Variants in IGSF23 observed in about 807,000 individuals in gnomAD.
The protein encoded by IGSF23 is immunoglobulin superfamily member 23, also known as immunoglobulin superfamily, member 23.
IGSF23 carries 14 observed loss-of-function variants against 17.8 expected under a neutral mutation model. The observed-to-expected ratio is 0.79, with a 90% CI of 0.52 to 1.23. The LOEUF (loss-of-function observed/expected upper bound fraction) is 1.23, where lower values mean the gene tolerates loss of function less well. Among genes scored for constraint, IGSF23 ranks in the 50% most tolerant of loss-of-function variants. The pLI is 0.00. For missense variants in IGSF23, 214 were observed against 241.7 expected (o/e 0.89, Z 0.76); for synonymous variants, 85 against 92.5 (o/e 0.92, Z 0.46).
intron 3 of IGSF23, 47 bp from the exon 4 acceptor site, chr19:44,635,354 C>G: frequency 8.9e-7 from 1 of 1,126,226 alleles, no homozygotes; most frequent in Non-Finnish European, 1.2e-6. Context: ...CTTATTCTCT[C>G]TCTCTCTCTC....
intron 1 of IGSF23, among the ~76,000 whole-genome samples, chr19:44,620,173 G>T (rs1215082056): frequency 6.6e-6 from 1 of 152,034 alleles, no homozygotes; most frequent in Non-Finnish European, 1.5e-5. Context: ...GGAGACTGAG[G>T]AAGTAGAATC....
chr19:44,615,155 G>A (rs1248218134), intron 1 of IGSF23, among the ~76,000 whole-genome samples: 4 of 152,000 alleles, frequency 2.6e-5, no homozygotes, highest in Non-Finnish European at 4.4e-5. Context: ...CAGGCCTGGT[G>A]GCGGGCGCCT....
intron 2 of IGSF23, among the ~76,000 whole-genome samples, chr19:44,625,914 T>G (rs1367541490): frequency 6.6e-6 from 1 of 152,322 alleles, no homozygotes; most frequent in East Asian, 1.9e-4. Context: ...TTCTCTTGCC[T>G]GCCGCCATGT....
At chr19:44,625,497 G>A (rs570636083) in intron 2 of IGSF23, among the ~76,000 whole-genome samples, 1 of 152,148 alleles carries the variant, frequency 6.6e-6, no homozygotes, top group East Asian at 1.9e-4. Flanking sequence ...TTCCTGGCTG[G>A]GTAACTTAGC....
intron 1 of IGSF23, chr19:44,614,026 G>A: frequency 6.9e-7 from 1 of 1,458,386 alleles, no homozygotes; most frequent in Non-Finnish European, 9.2e-7. Context: ...CACGGGCCAG[G>A]GACAAGGAGG....
chr19:44,627,288 G>A, intron 2 of IGSF23, 132 bp from the exon 3 acceptor site: 1 of 903,012 alleles, frequency 1.1e-6, no homozygotes, highest in Non-Finnish European at 1.6e-6. Context: ...GAGGAGAGGG[G>A]GCCAGAGACC....
At chr19:44,626,978 G>A (rs1336134250) in intron 2 of IGSF23, among the ~76,000 whole-genome samples, 1 of 151,918 alleles carries the variant, frequency 6.6e-6, no homozygotes, top group Non-Finnish European at 1.5e-5. Context: ...ATTCCAGAGA[G>A]ACAGTGCAGC....
chr19:44,634,943 C>G (rs1159865967), intron 3 of IGSF23, among the ~76,000 whole-genome samples: 4 of 152,076 alleles, frequency 2.6e-5, no homozygotes, highest in Non-Finnish European at 5.9e-5. Context: ...CAATAAACCT[C>G]AGCCATGTGA....
chr19:44,618,734 C>T (rs537975614), intron 1 of IGSF23, among the ~76,000 whole-genome samples: 258 of 152,220 alleles, frequency 1.7e-3, no homozygotes, highest in African/African-American at 6.0e-3. Context: ...GTTCACTCAG[C>T]AATGGAAGAG....
intron 1 of IGSF23, among the ~76,000 whole-genome samples, chr19:44,619,891 ATGTT>A (rs1164100814): frequency 6.6e-6 from 1 of 152,104 alleles, no homozygotes; most frequent in African/African-American, 2.4e-5. Context: ...TTCAACATAT[ATGTT>A]TGGTGGGGGA....
chr19:44,635,350 C>A, intron 3 of IGSF23, 51 bp from the exon 4 acceptor site: 1 of 125,454 alleles, frequency 8.0e-6, no homozygotes, highest in Non-Finnish European at 1.3e-5. Flanking sequence ...GATTCTTATT[C>A]TCTCTCTCTC....
At chr19:44,623,684 T>G in intron 1 of IGSF23, 23 bp from the exon 2 acceptor site, 1 of 1,550,214 alleles carries the variant, frequency 6.5e-7, no homozygotes. Flanking sequence ...TCTTGTGGCC[T>G]TGTTCCCTGT....
At chr19:44,616,448 A>G (rs1972377546) in intron 1 of IGSF23, among the ~76,000 whole-genome samples, 1 of 152,194 alleles carries the variant, frequency 6.6e-6, no homozygotes, top group Admixed American at 6.5e-5. Context: ...CTGTAATCCC[A>G]GCACTTTGGG....
At chr19:44,617,403 A>G (rs965495005) in intron 1 of IGSF23, among the ~76,000 whole-genome samples, 1 of 152,160 alleles carries the variant, frequency 6.6e-6, no homozygotes, top group Non-Finnish European at 1.5e-5. Flanking sequence ...ATTATTGGCT[A>G]AGAAAGTAGA....
intron 3 of IGSF23, 65 bp downstream of exon 3, chr19:44,627,638 T>A: frequency 6.8e-7 from 1 of 1,474,202 alleles, no homozygotes; most frequent in Non-Finnish European, 9.1e-7. Flanking sequence ...GGCACAGAGC[T>A]GGCTCAACAA....
chr19:44,628,658 G>C (rs1431301710), intron 3 of IGSF23, among the ~76,000 whole-genome samples: 1 of 152,120 alleles, frequency 6.6e-6, no homozygotes, highest in East Asian at 1.9e-4. Flanking sequence ...AGGCTGAGAT[G>C]GGAGGATCAC....
chr19:44,617,473 C>T (rs1972410101), intron 1 of IGSF23, among the ~76,000 whole-genome samples: 1 of 152,122 alleles, frequency 6.6e-6, no homozygotes, highest in Admixed American at 6.6e-5. Flanking sequence ...TGTTAATTAG[C>T]TCAATTTAGC....
At position 44,623,964 on chromosome 19, in the gene IGSF23, C is replaced by T. The variant is rs1173285044; in HGVS notation, c.383C>T (p.Ser128Leu). ...KQLVSEPVTI[S>L]LPKPIMQPTE... is the part of the protein sequence containing the mutation. ...CTGGTCTCTGAGCCTGTAACCATCT[C>T]GCTGCCAAGTGAGTCCCCCATTCCA... is the stretch of plus-strand genomic sequence containing the variant. The change falls in exon 2 of 5, where the codon TCG becomes TTG. Residue 128 changes from serine (S) to leucine (L), a missense_variant. Coordinates refer to ENST00000402988, the MANE Select transcript of IGSF23 (RefSeq NM_001205280.2). The T allele has an allele frequency of 6.5e-6, 10 of 1,549,034 alleles. No homozygotes were observed. The highest frequency in any genetic ancestry group is 2.4e-5 in the East Asian group (1 of 40,878).
chr19:44,623,698 CACAG>C lies in IGSF23; in HGVS notation c.126-4_126-1del. On this transcript the variant is annotated splice_region_variant and splice_polypyrimidine_tract_variant and intron_variant, in intron 1 of 4. Coordinates refer to ENST00000402988, the MANE Select transcript of IGSF23 (RefSeq NM_001205280.2). Reference sequence around the variant, plus strand: ...CTCTTGTGGCCTTGTTCCCTGTTTGCACAGACAGCCTCCAACTAATGCCACTGAA... The same window carrying C: ...CTCTTGTGGCCTTGTTCCCTGTTTGCACAGCCTCCAACTAATGCCACTGAA... 2.6e-3 allele frequency: 3,998 copies of C among 1,550,922 alleles called. 7 individuals are homozygous for C. The highest frequency in any genetic ancestry group is 4.7e-3 in the Middle Eastern group (28 of 5,998).
Sources: allele counts gnomAD v4.1 joint callset (sites outside exome capture counted in the v4.1 genomes callset), GRCh38; gene constraint gnomAD v4.1.1; transcripts MANE v1.5; gene names NCBI Gene and HGNC (gene_info 2026-07-23, HGNC 2026-07-21).